COL19A1: variants seen among roughly 807,000 people sequenced by gnomAD.
COL19A1 encodes the protein collagen alpha-1(XIX) chain.
A neutral mutation model predicts 190.2 loss-of-function variants in COL19A1; 159 were observed. That is an observed-to-expected ratio of 0.84 (90% CI 0.73 to 0.95). COL19A1 has a LOEUF of 0.95. Among genes scored for constraint, COL19A1 ranks in the 40% least tolerant of loss-of-function variants. The pLI is 0.00. For missense variants in COL19A1, 1,418 were observed against 1,431.9 expected (o/e 0.99, Z 0.16); for synonymous variants, 509 against 458.9 (o/e 1.11, Z -1.39).
intron 7 of COL19A1, among the ~76,000 whole-genome samples, chr6:69,933,075 A>G (rs1052665568): frequency 1.3e-5 from 2 of 152,066 alleles, no homozygotes; most frequent in Non-Finnish European, 2.9e-5. Flanking sequence ...TTTGAGGGTA[A>G]TATATACTCA....
At chr6:69,912,639 A>C (rs1402715815) in intron 4 of COL19A1, among the ~76,000 whole-genome samples, 3 of 152,104 alleles carry the variant, frequency 2.0e-5, no homozygotes, top group African/African-American at 4.8e-5. Flanking sequence ...TGAGGTGTGC[A>C]TGTGTGCTTT....
rs1474973850 is a variant in COL19A1 at position 70,151,388 on chromosome 6, T to C, written c.2038-9T>C. On this transcript the variant is annotated splice_polypyrimidine_tract_variant and intron_variant, in intron 30 of 50. Transcript: ENST00000620364. ...ATGCATGTATTTGGTTTTATCTTCT[T>C]AACCACAGATTGCACTTCCTCTCTT... 3 of 1,612,456 alleles carry C rather than the reference T, an allele frequency of 1.9e-6. No individual in the cohort carries two copies. In the Admixed American group the frequency reaches 5.0e-5, roughly 27 times the overall value.
intron 16 of COL19A1, among the ~76,000 whole-genome samples, chr6:70,109,179 A>G (rs1200737953): frequency 6.6e-6 from 1 of 152,116 alleles, no homozygotes; most frequent in Non-Finnish European, 1.5e-5. Context: ...TGGGGGGAAT[A>G]AACTGGGTAA....
At chr6:69,943,095 T>C (rs558072703) in intron 9 of COL19A1, among the ~76,000 whole-genome samples, 125 of 152,228 alleles carry the variant, frequency 8.2e-4, no homozygotes, top group African/African-American at 2.9e-3. Flanking sequence ...CATTCTAAAC[T>C]AGGGTAAGAT....
At chr6:70,132,213 T>C (rs928145654) in intron 18 of COL19A1, among the ~76,000 whole-genome samples, 4 of 152,018 alleles carry the variant, frequency 2.6e-5, no homozygotes, top group Non-Finnish European at 5.9e-5. Context: ...GCCTGGACAA[T>C]ATAGTGATAC....
intron 14 of COL19A1, among the ~76,000 whole-genome samples, chr6:70,041,816 C>T (rs1779649892): frequency 6.6e-6 from 1 of 151,992 alleles, no homozygotes; most frequent in Non-Finnish European, 1.5e-5. Context: ...CTTTGGGAGG[C>T]CAAGGCAGGC....
intron 9 of COL19A1, among the ~76,000 whole-genome samples, chr6:69,944,410 C>T (rs1029480758): frequency 1.3e-5 from 2 of 152,034 alleles, no homozygotes; most frequent in African/African-American, 4.8e-5. Flanking sequence ...TTTAAATAAT[C>T]AACTCAGCTA....
intron 17 of COL19A1, among the ~76,000 whole-genome samples, chr6:70,125,259 A>G (rs989105263): frequency 1.3e-5 from 2 of 152,240 alleles, no homozygotes; most frequent in East Asian, 3.8e-4. Flanking sequence ...TTAAATTGGC[A>G]TTGATTTATG....
At chr6:69,926,841 CAA>C (rs778561540) in intron 4 of COL19A1, among the ~76,000 whole-genome samples, 3 of 152,006 alleles carry the variant, frequency 2.0e-5, no homozygotes, top group Non-Finnish European at 4.4e-5. Flanking sequence ...TGCCAAAAGT[CAA>C]AGAGAGAATT....
At chr6:70,120,687 G>A (rs1477459198) in intron 16 of COL19A1, among the ~76,000 whole-genome samples, 2 of 152,114 alleles carry the variant, frequency 1.3e-5, no homozygotes, top group Non-Finnish European at 2.9e-5. Flanking sequence ...TACTTGTGAG[G>A]CCCATTATTT....
chr6:70,104,165 G>A lies in COL19A1; in HGVS notation c.1278+1943G>A, dbSNP rs148932341. Reference sequence around the variant, plus strand: ...TATTTGTTATATAAAAGCACATTGGGGGAATGAGGGGGTGAGGAAGCATGA... The same window carrying A: ...TATTTGTTATATAAAAGCACATTGGAGGAATGAGGGGGTGAGGAAGCATGA... On this transcript the variant is annotated intron_variant, in intron 16 of 50. Transcript: ENST00000620364. 3.6e-3 allele frequency among the ~76,000 whole-genome samples: 549 copies of A among 152,256 alleles called. 5 individuals carry two copies. The highest frequency in any genetic ancestry group is 0.02 in the Middle Eastern group (6 of 294).
intron 1 of COL19A1, 116 bp from the exon 2 acceptor site, chr6:69,879,420 T>C: frequency 1.6e-6 from 1 of 621,958 alleles, no homozygotes; most frequent in Non-Finnish European, 2.9e-6. Flanking sequence ...TATTTCCTGT[T>C]ATATGATGAT....
chr6:70,001,711 T>G (rs1777274870), intron 11 of COL19A1, among the ~76,000 whole-genome samples: 1 of 152,204 alleles, frequency 6.6e-6, no homozygotes, highest in Non-Finnish European at 1.5e-5. Flanking sequence ...TTTTGCACAT[T>G]GATTTTGTAC....
intron 4 of COL19A1, among the ~76,000 whole-genome samples, chr6:69,915,169 GA>G (rs1192822141): frequency 6.6e-6 from 1 of 152,142 alleles, no homozygotes; most frequent in Non-Finnish European, 1.5e-5. Context: ...GCTATACAAT[GA>G]AATTGCTAAT....
chr6:70,105,410 C>G (rs1165837001), intron 16 of COL19A1, among the ~76,000 whole-genome samples: 2 of 152,132 alleles, frequency 1.3e-5, no homozygotes, highest in Non-Finnish European at 2.9e-5. Context: ...CTCGCCTCAG[C>G]CTCCCAAAGT....
At chr6:70,179,732 C>A (rs1227649884) in intron 42 of COL19A1, among the ~76,000 whole-genome samples, 1 of 152,146 alleles carries the variant, frequency 6.6e-6, no homozygotes, top group Admixed American at 6.5e-5. Flanking sequence ...ATACTTTGGG[C>A]TAATATTTTC....
At chr6:69,924,442 T>C (rs1221374841) in intron 4 of COL19A1, among the ~76,000 whole-genome samples, 1 of 152,232 alleles carries the variant, frequency 6.6e-6, no homozygotes, top group Non-Finnish European at 1.5e-5. Context: ...TCGTCATTTT[T>C]TATGGCTGCA....
chr6:70,143,759 T>C (rs1409839487), intron 23 of COL19A1, among the ~76,000 whole-genome samples: 1 of 152,036 alleles, frequency 6.6e-6, no homozygotes, highest in Non-Finnish European at 1.5e-5. Flanking sequence ...GAGATAATCC[T>C]GGTGGCACAA....
chr6:70,098,282 C>T lies in COL19A1; in HGVS notation c.1225-3887C>T, dbSNP rs557250409. Reference sequence around the variant, plus strand: ...GGCCTAATTATTAATAAAATACTCCCCCAAAGTATCCTAGCTTAAGGAGTA... The same window carrying T: ...GGCCTAATTATTAATAAAATACTCCTCCAAAGTATCCTAGCTTAAGGAGTA... On this transcript the variant is annotated intron_variant, in intron 15 of 50. Transcript: ENST00000620364. 2.2e-5 allele frequency: 7 copies of T among 322,720 alleles called. No individual in the cohort carries two copies. The East Asian group carries it at 4.1e-4, about 19-fold the overall frequency. 20.0% of individuals were successfully genotyped at this position (322,720 alleles called of 1,614,324 possible).
Sources: gnomAD v4.1 joint callset for allele counts (sites outside exome capture counted in the v4.1 genomes callset) on GRCh38, gnomAD v4.1.1 for gene constraint, MANE v1.5 for transcripts, NCBI Gene and HGNC (gene_info 2026-07-23, HGNC 2026-07-21) for gene names.